Variants in UCHL1 observed in about 807,000 individuals in gnomAD.
UCHL1 encodes ubiquitin C-terminal hydrolase L1.
In UCHL1, 5 loss-of-function variants were observed where a neutral mutation model predicts 33.3. The ratio of observed to expected loss-of-function variants is 0.15; its 90% CI spans 0.08 to 0.32. The LOEUF (loss-of-function observed/expected upper bound fraction) is 0.32, where lower values mean the gene tolerates loss of function less well. UCHL1 is among the 10% of genes least tolerant of loss of function. UCHL1 has a pLI of 1.00. For missense variants in UCHL1, 236 were observed against 280.0 expected (o/e 0.84, Z 1.12); for synonymous variants, 132 against 108.8 (o/e 1.21, Z -1.33).
At chr4:41,263,434 C>A in intron 7 of UCHL1, 143 bp downstream of exon 7, 1 of 839,580 alleles carries the variant, frequency 1.2e-6, no homozygotes, top group Non-Finnish European at 2.0e-6. Flanking sequence ...CTCATGAGGG[C>A]ACTTAACCCC....
chr4:41,265,908 A>T (rs1781144738), intron 8 of UCHL1, among the ~76,000 whole-genome samples: 1 of 152,232 alleles, frequency 6.6e-6, no homozygotes, highest in Non-Finnish European at 1.5e-5. Flanking sequence ...GAGAATAAGA[A>T]AACAGGCAGA....
intron 3 of UCHL1, among the ~76,000 whole-genome samples, chr4:41,260,141 G>C (rs1367469994): frequency 6.6e-6 from 1 of 152,216 alleles, no homozygotes; most frequent in Non-Finnish European, 1.5e-5. Context: ...CTTTTCAGCA[G>C]TTAAGGCCGT....
chr4:41,259,444 T>G (rs964131269), intron 3 of UCHL1, among the ~76,000 whole-genome samples: 3 of 152,198 alleles, frequency 2.0e-5, no homozygotes, highest in African/African-American at 7.2e-5. Context: ...TGAAAAACAC[T>G]TACTGGTCAA....
intron 8 of UCHL1, among the ~76,000 whole-genome samples, chr4:41,267,583 C>G (rs1781174698): frequency 6.6e-6 from 1 of 152,152 alleles, no homozygotes. Context: ...ATTTGAAAGA[C>G]AATTTTCTTT....
Position 41,268,144 on chromosome 4 carries a change from G to A in UCHL1, c.*71G>A. On this transcript the variant is annotated 3_prime_UTR_variant, in exon 9 of 9. Coordinates refer to ENST00000284440, the MANE Select transcript of UCHL1 (RefSeq NM_004181.5). ...ATGAAAATATATACCCCCCCATGCA[G>A]TCTAAAATGCTTCAGTACTTGTGAA... The A allele has an allele frequency of 7.1e-7, 1 of 1,401,956 alleles. No individual in the cohort carries two copies. Among genetic ancestry groups the A allele is most frequent in the Non-Finnish European group, 1.0e-6 (1 of 1,003,626 alleles). The allele number at this position is 1,401,956 out of a possible 1,614,324, so 86.8% of individuals were successfully genotyped here.
chr4:41,257,354 C>A, intron 2 of UCHL1: 1 of 931,598 alleles, frequency 1.1e-6, no homozygotes, highest in Non-Finnish European at 1.5e-6. Flanking sequence ...GGCGAGCGAG[C>A]GCCAGGCGGA....
chr4:41,261,773 C>CAGAGCAAAATGCTTTGAAA lies in UCHL1; in HGVS notation c.388_406dup (p.Asn136SerfsTer5). ...AAACAGAGAAAATGTCCCCTGAAGA[C>CAGAGCAAAATGCTTTGAAA]AGAGCAAAATGCTTTGAAAAGAATG... is the stretch of plus-strand genomic sequence containing the variant. On this transcript the variant is annotated frameshift_variant, in exon 5 of 9. Transcript: ENST00000284440. LOFTEE classifies it high-confidence loss of function. 1 of 1,613,846 alleles carries CAGAGCAAAATGCTTTGAAA rather than the reference C, an allele frequency of 6.2e-7. No individual in the cohort carries two copies. The highest frequency in any genetic ancestry group is 8.5e-7 in the Non-Finnish European group (1 of 1,179,996).
intron 8 of UCHL1, among the ~76,000 whole-genome samples, chr4:41,266,710 T>G (rs575018777): frequency 6.6e-6 from 1 of 152,254 alleles, no homozygotes; most frequent in East Asian, 1.9e-4. Context: ...AGCCTTGAAG[T>G]CCTTGCTCAA....
rs1359476648 is a variant in UCHL1, at chr4:41,257,675, T to A, written c.112T>A (p.Ser38Thr). 1 of 1,572,968 alleles carries A rather than the reference T, an allele frequency of 6.4e-7. No individual in the cohort carries two copies. The highest frequency in any genetic ancestry group is 8.6e-7 in the Non-Finnish European group (1 of 1,163,018). ...GGACGTGCTGGGGCTGGAAGAGGAG[T>A]CTCTGGGCTCGGTGCCAGCGCCTGC... Reference protein sequence around the residue: ...FVDVLGLEEESLGSVPAPACA... With the variant: ...FVDVLGLEEETLGSVPAPACA... The change falls in exon 3 of 9, where the codon TCT becomes ACT. Residue 38 changes from serine to threonine, a missense_variant. Physicochemically the swap from Ser to Thr is moderately conservative, Grantham distance 58 (BLOSUM62 1). Coordinates refer to ENST00000284440, the MANE Select transcript of UCHL1 (RefSeq NM_004181.5).
At chr4:41,261,616 C>A in intron 4 of UCHL1, 99 bp from the exon 5 acceptor site, 1 of 1,285,460 alleles carries the variant, frequency 7.8e-7, no homozygotes, top group East Asian at 2.3e-5. Context: ...ATTAAAGATT[C>A]AGGTTGCTCA....
At chr4:41,263,779 C>T (rs985782220) in intron 7 of UCHL1, among the ~76,000 whole-genome samples, 4 of 152,192 alleles carry the variant, frequency 2.6e-5, no homozygotes, top group African/African-American at 7.2e-5. Context: ...GGCGTCTCCT[C>T]CTCTCGCCTC....
At position 41,256,931 on chromosome 4, in the gene UCHL1, T is replaced by C. The variant is rs901082145; in HGVS notation, c.-46T>C. On this transcript the variant is annotated 5_prime_UTR_variant, in exon 1 of 9. Coordinates refer to ENST00000284440, the MANE Select transcript of UCHL1 (RefSeq NM_004181.5). ...CTGCAGCCTGGGCGGCTCCGCTAGC[T>C]GTTTTTCGTCTTCCCTAGGCTATTT... 3.8e-5 allele frequency: 62 copies of C among 1,613,810 alleles called. No individual in the cohort carries two copies. The highest frequency in any genetic ancestry group is 5.2e-5 in the Non-Finnish European group (61 of 1,179,984).
chr4:41,267,414 T>G (rs1781172100), intron 8 of UCHL1, among the ~76,000 whole-genome samples: 1 of 152,106 alleles, frequency 6.6e-6, no homozygotes, highest in African/African-American at 2.4e-5. Flanking sequence ...CCGGCTAATT[T>G]TTTTTGTATT....
rs1382195139 is a variant in UCHL1 at position 41,261,726 on chromosome 4, G to T, written c.337G>T (p.Val113Phe). The T allele has an allele frequency of 1.2e-6, 2 of 1,612,300 alleles. No individual in the cohort carries two copies. Among genetic ancestry groups the T allele is most frequent in the Non-Finnish European group, 1.7e-6 (2 of 1,180,016 alleles). The part of the protein sequence containing the change: ...QDKLGFEDGS[V>F]LKQFLSETEK... ...ATTTTTTTTTTAAGAGGATGGATCA[G>T]TTCTGAAACAGTTTCTTTCTGAAAC... Residue 113 changes from valine (V) to phenylalanine (F), a missense_variant, in exon 5 of 9, where the codon GTT becomes TTT. By Grantham distance (50) the Val-to-Phe change is conservative. Transcript: ENST00000284440.
intron 8 of UCHL1, among the ~76,000 whole-genome samples, chr4:41,264,682 C>T (rs1781125458): frequency 6.6e-6 from 1 of 152,090 alleles, no homozygotes; most frequent in Non-Finnish European, 1.5e-5. Context: ...TCCAGGATCA[C>T]TTTGTAACCA....
intron 1 of UCHL1, 31 bp from the exon 2 acceptor site, chr4:41,257,084 T>C (rs1482114055): frequency 1.9e-6 from 3 of 1,613,076 alleles, no homozygotes; most frequent in Non-Finnish European, 1.7e-6. Context: ...ATCGGTTCGG[T>C]TTTGCCTTTT....
chr4:41,266,029 C>G (rs1781146961), intron 8 of UCHL1, among the ~76,000 whole-genome samples: 1 of 152,048 alleles, frequency 6.6e-6, no homozygotes, highest in Non-Finnish European at 1.5e-5. Context: ...AAAAATGTGT[C>G]CCACATAGGA....
At chr4:41,259,831 A>G (rs1043074932) in intron 3 of UCHL1, among the ~76,000 whole-genome samples, 14 of 152,218 alleles carry the variant, frequency 9.2e-5, no homozygotes, top group African/African-American at 2.9e-4. Flanking sequence ...ACCCTGGCTC[A>G]AGAAATCATA....
Position 41,268,158 on chromosome 4 carries a change from A to T in UCHL1, c.*85A>T. On this transcript the variant is annotated 3_prime_UTR_variant, in exon 9 of 9. Transcript: ENST00000284440. Reference sequence around the variant, plus strand: ...CCCCCCATGCAGTCTAAAATGCTTCAGTACTTGTGAAACACAGCTGTTCTT... The same window carrying T: ...CCCCCCATGCAGTCTAAAATGCTTCTGTACTTGTGAAACACAGCTGTTCTT... 1 of 1,289,378 alleles carries T rather than the reference A, an allele frequency of 7.8e-7. No homozygotes were observed. The highest frequency in any genetic ancestry group is 2.4e-5 in the East Asian group (1 of 41,030). 79.9% of individuals were successfully genotyped at this position (1,289,378 alleles called of 1,614,324 possible).
Sources: allele counts gnomAD v4.1 joint callset (sites outside exome capture counted in the v4.1 genomes callset), GRCh38; gene constraint gnomAD v4.1.1; transcripts MANE v1.5; gene names NCBI Gene and HGNC (gene_info 2026-07-23, HGNC 2026-07-21).